The following FRMD8 variants were observed in gnomAD, a reference collection of about 807,000 sequenced individuals.
The protein encoded by FRMD8 is FERM domain-containing protein 8.
A neutral mutation model predicts 54.2 loss-of-function variants in FRMD8; 37 were observed. The observed-to-expected ratio is 0.68, with a 90% CI of 0.53 to 0.90. The LOEUF (loss-of-function observed/expected upper bound fraction) is 0.90. Ranked by LOEUF, FRMD8 falls within the 40% of genes least tolerant of loss-of-function variation. FRMD8 has a pLI of 0.00. For missense variants in FRMD8, 585 were observed against 653.7 expected (o/e 0.89, Z 1.15); for synonymous variants, 246 against 286.9 (o/e 0.86, Z 1.44).
chr11:65,387,007 G>C, intron 1 of FRMD8, 30 bp from the exon 2 acceptor site: 1 of 1,590,426 alleles, frequency 6.3e-7, no homozygotes, highest in African/African-American at 1.3e-5. Flanking sequence ...CCTGGCTCCC[G>C]GTAACTGCTG....
the FRMD8 span, chr11:65,379,677 AGT>A: frequency 7.8e-7 from 1 of 1,287,570 alleles, no homozygotes; most frequent in African/African-American, 1.5e-5. Context: ...GCCACAGGGA[AGT>A]GGGGACAGGC....
At position 65,411,363 on chromosome 11, in the gene FRMD8, A is replaced by T. The variant is rs368804171; in HGVS notation, c.*3A>T. 12 of 1,567,222 alleles carry T rather than the reference A, an allele frequency of 7.7e-6. No individual in the cohort carries two copies. The highest frequency in any genetic ancestry group is 6.8e-5 in the African/African-American group (5 of 73,634). ...GCGACAGCCTGGAGCAGGGCTGAGG[A>T]CGCTGCACCCGGCAGGAGGAGGGCG... On this transcript the variant is annotated 3_prime_UTR_variant, in exon 11 of 11. Transcript: ENST00000317568.
chr11:65,395,270 C>T (rs1399254370), intron 6 of FRMD8, among the ~76,000 whole-genome samples: 4 of 151,370 alleles, frequency 2.6e-5, no homozygotes, highest in South Asian at 2.1e-4. Context: ...ATGCCGGGTG[C>T]GGTGGCTCAC....
At chr11:65,399,980 C>A in intron 8 of FRMD8, 121 bp downstream of exon 8, 2 of 1,214,178 alleles carry the variant, frequency 1.6e-6, no homozygotes, top group Non-Finnish European at 2.3e-6. Context: ...CTGGGAGGGA[C>A]CCTGCCTCCG....
At chr11:65,372,543 A>G in the FRMD8 span, among the ~76,000 whole-genome samples, 3 of 152,120 alleles carry the variant, frequency 2.0e-5, no homozygotes, top group African/African-American at 4.8e-5. Flanking sequence ...CCAGAGAGGG[A>G]GAATGGGAGC....
Position 65,404,462 on chromosome 11 carries a change from G to C in FRMD8, c.1072-402G>C, listed in dbSNP as rs370972493. Among the ~76,000 whole-genome samples the C allele has an allele frequency of 2.0e-5, 3 of 151,666 alleles. No homozygotes were observed. The highest frequency in any genetic ancestry group is 2.9e-5 in the Non-Finnish European group (2 of 67,932). On this transcript the variant is annotated intron_variant, in intron 9 of 10. Transcript: ENST00000317568. The surrounding 1 kb of genome is among the most constrained non-coding windows in gnomAD (Gnocchi z 4.7). ...CCCGCCCCTGCCCTGGTGACATCGC[G>C]CCCCTTCCTCCTGGCTGCAGGTTTT... is the stretch of plus-strand genomic sequence containing the variant.
chr11:65,393,549 G>T, intron 3 of FRMD8, 24 bp from the exon 4 acceptor site: 1 of 1,587,496 alleles, frequency 6.3e-7, no homozygotes. Context: ...GGCTGCATGG[G>T]CCACTCCCCA....
the FRMD8 span, chr11:65,380,641 G>C: frequency 7.8e-7 from 1 of 1,286,628 alleles, no homozygotes; most frequent in Non-Finnish European, 1.0e-6. Flanking sequence ...CCCTGATGGG[G>C]GTCATGCCTG....
At position 65,400,269 on chromosome 11, in the gene FRMD8, G is replaced by A. The variant is rs576385896; in HGVS notation, c.927+410G>A. On this transcript the variant is annotated intron_variant, in intron 8 of 10. Transcript: ENST00000317568. The surrounding 1 kb of genome is among the most constrained non-coding windows in gnomAD (Gnocchi z 4.3). ...AGCCGCGTCAGCAGCCAGCCCTGTG[G>A]GGCAGATTACCTGTCCCTGGACAGA... Among the ~76,000 whole-genome samples the A allele has an allele frequency of 1.3e-5, 2 of 152,292 alleles. No homozygotes were observed. Among genetic ancestry groups the A allele is most frequent in the African/African-American group, 2.4e-5 (1 of 41,548 alleles).
intron 6 of FRMD8, 74 bp downstream of exon 6, chr11:65,394,499 T>C: frequency 6.7e-7 from 1 of 1,496,948 alleles, no homozygotes; most frequent in South Asian, 1.3e-5. Flanking sequence ...TTACAAGCAG[T>C]CTTCAGTCTC....
intron 6 of FRMD8, among the ~76,000 whole-genome samples, chr11:65,394,771 A>G (rs1281602184): frequency 3.3e-5 from 5 of 152,030 alleles, no homozygotes; most frequent in Admixed American, 3.3e-4. Context: ...TTAGTTCCAG[A>G]CTTCTGGGGT....
At chr11:65,393,530 C>A in intron 3 of FRMD8, 43 bp from the exon 4 acceptor site, 1 of 1,482,144 alleles carries the variant, frequency 6.7e-7, no homozygotes, top group Non-Finnish European at 9.3e-7. Flanking sequence ...AGCCACTGGA[C>A]TGGCCGGAGG....
chr11:65,397,018 T>C lies in FRMD8; in HGVS notation c.801T>C (p.Tyr267=). 1.4e-6 allele frequency: 2 copies of C among 1,447,258 alleles called. No homozygotes were observed. Among genetic ancestry groups the C allele is most frequent in the South Asian group, 2.8e-5 (2 of 70,722 alleles). 89.7% of individuals were successfully genotyped at this position (1,447,258 alleles called of 1,614,324 possible). ...YLLKCHELPF[Y]GCAFFHGEVD... ...TCAAGTGCCACGAGCTGCCGTTTTA[T>C]GGGTAAGAGCCACAGCCCCGCGGTC... Residue 267 remains tyrosine (Y), a splice_region_variant and synonymous_variant, in exon 7 of 11, where the codon TAT becomes TAC. Coordinates refer to ENST00000317568, the MANE Select transcript of FRMD8 (RefSeq NM_031904.5).
the FRMD8 span, among the ~76,000 whole-genome samples, chr11:65,369,987 C>T: frequency 6.7e-6 from 1 of 148,638 alleles, no homozygotes; most frequent in Non-Finnish European, 1.5e-5. Flanking sequence ...GCCAAGATCA[C>T]ACCATTGCAT....
rs1330696541 is a variant in FRMD8, at chr11:65,404,564, C to A, written c.1072-300C>A. The stretch of plus-strand genomic sequence containing the variant: ...CTCTCTGCAGCAGCTGGCTCCCTAC[C>A]CCCTCCCTCCCCACCTGCTTCTGCC... On this transcript the variant is annotated intron_variant, in intron 9 of 10. Transcript: ENST00000317568. This position sits in a 1 kb window ranked among gnomAD's most constrained non-coding sequence, Gnocchi z 4.7. 6.6e-6 allele frequency among the ~76,000 whole-genome samples: 1 copy of A among 151,790 alleles called. No individual in the cohort carries two copies. The highest frequency in any genetic ancestry group is 6.6e-5 in the Admixed American group (1 of 15,236).
chr11:65,402,898 TATA>T (rs1205979941), intron 9 of FRMD8, among the ~76,000 whole-genome samples: 1 of 152,056 alleles, frequency 6.6e-6, no homozygotes, highest in Non-Finnish European at 1.5e-5. Flanking sequence ...TATATAGAAA[TATA>T]ATTGTTTTTG....
At chr11:65,396,634 C>T (rs568338237) in intron 6 of FRMD8, among the ~76,000 whole-genome samples, 165 bp from the exon 7 acceptor site, 2 of 152,280 alleles carry the variant, frequency 1.3e-5, no homozygotes, top group African/African-American at 2.4e-5. Context: ...AACTGAACCC[C>T]CTCTGTCTGG....
At chr11:65,401,136 C>T (rs1474540927) in intron 9 of FRMD8, among the ~76,000 whole-genome samples, 1 of 152,098 alleles carries the variant, frequency 6.6e-6, no homozygotes, top group East Asian at 1.9e-4. Flanking sequence ...TTGCTGAGTG[C>T]TTTGAGACCA....
chr11:65,372,708 C>T, the FRMD8 span, among the ~76,000 whole-genome samples: 1 of 152,292 alleles, frequency 6.6e-6, no homozygotes, highest in South Asian at 2.1e-4. Flanking sequence ...ATGGGAATTC[C>T]CGCTAACTGG....
Sources: gnomAD v4.1 joint callset for allele counts (sites outside exome capture counted in the v4.1 genomes callset) on GRCh38, gnomAD v4.1.1 for gene constraint, Gnocchi (gnomAD v3.1) non-coding constraint, MANE v1.5 for transcripts, NCBI Gene and HGNC (gene_info 2026-07-23, HGNC 2026-07-21) for gene names.